The following CARD9 variants were observed in gnomAD, a reference collection of about 807,000 sequenced individuals.
CARD9 encodes caspase recruitment domain-containing protein 9.
CARD9 carries 53 observed loss-of-function variants against 66.0 expected under a neutral mutation model. That is an observed-to-expected ratio of 0.80 (90% CI 0.64 to 1.01). The LOEUF is 1.01. Ranked by LOEUF, CARD9 falls within the 50% of genes least tolerant of loss-of-function variation. CARD9 has a pLI of 0.00. For missense variants in CARD9, 769 were observed against 743.2 expected, an observed-to-expected ratio of 1.03 and a Z score of -0.40; for synonymous variants, 387 against 313.8, an observed-to-expected ratio of 1.23 and a Z score of -2.47.
intron 10 of CARD9, chr9:136,366,577 C>T (rs1340669061): frequency 8.3e-6 from 5 of 601,504 alleles, no homozygotes; most frequent in African/African-American, 1.9e-5. Context: ...CCCCAGGGGA[C>T]ACTTGTCCCA....
intron 8 of CARD9, 104 bp downstream of exon 8, chr9:136,367,531 TCA>T: frequency 1.5e-6 from 2 of 1,374,120 alleles, no homozygotes; most frequent in Non-Finnish European, 2.0e-6. Flanking sequence ...TTGGGGCCCG[TCA>T]CAGAGAAGGG....
rs1426258103 is a variant in CARD9, at chr9:136,364,280, G to A, written c.*22C>T. On this transcript the variant is annotated 3_prime_UTR_variant, in exon 13 of 13. Transcript: ENST00000371732. The stretch of plus-strand genomic sequence containing the variant: ...AGGCCGGGCCGGTGGGTGTGCCCTG[G>A]TCGGGGCCTGCGCTGCTGCGGCTAG... 8 of 1,551,912 alleles carry A rather than the reference G, an allele frequency of 5.2e-6. No individual in the cohort carries two copies.
chr9:136,364,396 C>G lies in CARD9; in HGVS notation c.1517G>C (p.Arg506Pro). The G allele has an allele frequency of 6.4e-7, 1 of 1,554,180 alleles. No individual in the cohort carries two copies. The highest frequency in any genetic ancestry group is 8.7e-7 in the Non-Finnish European group (1 of 1,152,082). ...KESFENYRRK[R>P]ALRKMQKGWR... ...TCCTTTCTGCATCTTCCTGAGGGCG[C>G]GCTTCCTGTGAAGACAGGTGTCTCA... The change falls in exon 13 of 13, where the codon CGC becomes CCC. Residue 506 changes from arginine to proline, a missense_variant. By Grantham distance (103) the Arg-to-Pro change is moderately radical. Transcript: ENST00000371732.
chr9:136,364,439 G>A, intron 12 of CARD9, 38 bp from the exon 13 acceptor site: 2 of 1,541,472 alleles, frequency 1.3e-6, no homozygotes, highest in Non-Finnish European at 8.7e-7. Context: ...CCCGGCTGCC[G>A]CTCCCCAGCC....
At chr9:136,369,972 G>A in intron 6 of CARD9, 97 bp from the exon 7 acceptor site, 1 of 1,577,582 alleles carries the variant, frequency 6.3e-7, no homozygotes, top group Non-Finnish European at 8.6e-7. Context: ...ATGTGGTCAG[G>A]CCAGTTGGGA....
Position 136,364,262 on chromosome 9 carries a change from G to C in CARD9, c.*40C>G. ...GCACCCCCGGGTGGCAGGAGGCCGG[G>C]CCGGTGGGTGTGCCCTGGTCGGGGC... On this transcript the variant is annotated 3_prime_UTR_variant, in exon 13 of 13. Coordinates refer to ENST00000371732, the MANE Select transcript of CARD9 (RefSeq NM_052813.5). The C allele has an allele frequency of 6.4e-7, 1 of 1,550,722 alleles. No homozygotes were observed. The highest frequency in any genetic ancestry group is 8.7e-7 in the Non-Finnish European group (1 of 1,146,818).
At chr9:136,369,247 C>T (rs191713465) in intron 7 of CARD9, among the ~76,000 whole-genome samples, 3 of 152,288 alleles carry the variant, frequency 2.0e-5, no homozygotes, top group East Asian at 1.9e-4. Flanking sequence ...AGAGACACCA[C>T]GTCCAGCCAA....
chr9:136,367,648 T>C lies in CARD9; in HGVS notation c.1258A>G (p.Thr420Ala), dbSNP rs1463581048. The change falls in exon 8 of 13, where the codon ACG (threonine) becomes GCG (alanine). Residue 420 changes from threonine to alanine, a missense_variant. Physicochemically the swap from Thr to Ala is moderately conservative, Grantham distance 58. Transcript: ENST00000371732. ...EGRLRRQQLE[T>A]LVLSSDLEDG... is the part of the protein sequence containing the mutation. The stretch of plus-strand genomic sequence containing the variant: ...GGCCCCAGGCCCACCAGGACGAGCG[T>C]CTCCAGCTGCTGCCGCCTGAGCCTG... 4.4e-6 allele frequency: 7 copies of C among 1,589,410 alleles called. No homozygotes were observed. The highest frequency in any genetic ancestry group is 6.0e-6 in the Non-Finnish European group (7 of 1,174,218).
chr9:136,373,591 C>T lies in CARD9; in HGVS notation c.-76G>A, dbSNP rs1329074986. 1.0e-6 allele frequency: 1 copy of T among 984,792 alleles called. No individual in the cohort carries two copies. The highest frequency in any genetic ancestry group is 1.8e-5 in the African/African-American group (1 of 56,300). The allele number at this position is 984,792 out of a possible 1,614,324, so 61.0% of individuals were successfully genotyped here. On this transcript the variant is annotated 5_prime_UTR_variant, in exon 1 of 13. Transcript: ENST00000371732. The stretch of plus-strand genomic sequence containing the variant: ...CACACCAGGAGCCTGGGCCGCGGAG[C>T]CTCTGGGAGATGCTGCCCGGGGCTG...
intron 7 of CARD9, among the ~76,000 whole-genome samples, chr9:136,368,693 G>A (rs970537510): frequency 1.3e-5 from 2 of 152,240 alleles, no homozygotes; most frequent in Non-Finnish European, 2.9e-5. Context: ...CTCACAGCAC[G>A]TAGCACTGGA....
intron 10 of CARD9, chr9:136,365,875 C>G (rs912634620): frequency 5.9e-5 from 9 of 153,126 alleles, no homozygotes; most frequent in African/African-American, 2.2e-4. Flanking sequence ...GCTCCTGCCA[C>G]AGCCACCCAG....
intron 8 of CARD9, 100 bp from the exon 9 acceptor site, chr9:136,367,357 G>A (rs1833147992): frequency 1.5e-6 from 2 of 1,368,274 alleles, no homozygotes; most frequent in Admixed American, 1.9e-5. Context: ...GGGAGCCCTG[G>A]GCATGCCCTC....
At chr9:136,368,262 C>T (rs1030406587) in intron 7 of CARD9, among the ~76,000 whole-genome samples, 1 of 152,330 alleles carries the variant, frequency 6.6e-6, no homozygotes, top group East Asian at 1.9e-4. Flanking sequence ...CCCCTGCAGC[C>T]GAGGCTGGGA....
rs374460551 is a variant in CARD9, at chr9:136,365,254, C to G, written c.1358-37G>C. On this transcript the variant is annotated intron_variant, in intron 10 of 12. Transcript: ENST00000371732. ...AGTCGTGCCTGTGGGACCTGCCCAT[C>G]TGCTGGGCCACGTATAGCACGGCTG... The G allele has an allele frequency of 4.4e-6, 7 of 1,596,326 alleles. No individual in the cohort carries two copies. The South Asian group carries it at 7.7e-5, about 18-fold the overall frequency.
Position 136,364,125 on chromosome 9 carries a change from T to A in CARD9, c.*177A>T. The A allele has an allele frequency of 6.4e-7, 1 of 1,550,574 alleles. No homozygotes were observed. The highest frequency in any genetic ancestry group is 1.2e-5 in the South Asian group (1 of 84,068). ...ATGGCCTCCGCAAAATGAGTGCCGC[T>A]TAACAAACGGCCCCAATGCCCGGCA... On this transcript the variant is annotated 3_prime_UTR_variant, in exon 13 of 13. Coordinates refer to ENST00000371732, the MANE Select transcript of CARD9 (RefSeq NM_052813.5).
rs398122362 is a variant in CARD9 at position 136,371,432 on chromosome 9, C to T, written c.214G>A (p.Gly72Ser). Residue 72 changes from glycine to serine, a missense_variant, in exon 3 of 13, where the codon GGC becomes AGC. By Grantham distance (56) the Gly-to-Ser change is moderately conservative. Coordinates refer to ENST00000371732, the MANE Select transcript of CARD9 (RefSeq NM_052813.5). The stretch of plus-strand genomic sequence containing the variant: ...AGGAAGGCCACGTAGCCCTTGTGGC[C>T]GGTCCGCTGCAGGATGTCCAGGAGC... ...GVLLDILQRTGHKGYVAFLES... is the reference protein window; with the variant it reads ...GVLLDILQRTSHKGYVAFLES... 8 of 1,547,768 alleles carry T rather than the reference C, an allele frequency of 5.2e-6. No homozygotes were observed. Among genetic ancestry groups the T allele is most frequent in the South Asian group, 2.3e-5 (2 of 86,762 alleles).
rs765637340 is a variant in CARD9 at position 136,364,530 on chromosome 9, G to C, written c.1464C>G (p.Pro488=). 1.2e-5 allele frequency: 18 copies of C among 1,539,004 alleles called. No individual in the cohort carries two copies. In the South Asian group the frequency reaches 1.9e-4, roughly 16 times the overall value. The part of the protein sequence containing the change: ...HDAGLSSGEP[P]EKERRRLKES... ...CTTTGAGGCGCCGCCGCTCCTTCTC[G>C]GGCGGCTCCCCGCTGCTCAGGCCTG... Residue 488 remains proline, a synonymous_variant, in exon 12 of 13, where the codon CCC becomes CCG. Transcript: ENST00000371732.
intron 10 of CARD9, 143 bp from the exon 11 acceptor site, chr9:136,365,360 C>G (rs534346385): frequency 5.3e-6 from 4 of 749,672 alleles, no homozygotes; most frequent in South Asian, 1.6e-5. Flanking sequence ...GTAGACTCTG[C>G]TTTCTGTAGA....
At chr9:136,368,012 A>C in intron 7 of CARD9, 184 bp from the exon 8 acceptor site, 1 of 1,418,424 alleles carries the variant, frequency 7.1e-7, no homozygotes, top group Non-Finnish European at 9.2e-7. Flanking sequence ...GGGATTGTAA[A>C]TGTGACAGTT....
Sources: allele counts gnomAD v4.1 joint callset (sites outside exome capture counted in the v4.1 genomes callset), GRCh38; gene constraint gnomAD v4.1.1; transcripts MANE v1.5; gene names NCBI Gene and HGNC (gene_info 2026-07-23, HGNC 2026-07-21).